MAP2: variants seen among roughly 807,000 people sequenced by gnomAD.
MAP2 encodes the protein microtubule-associated protein 2.
In MAP2, 14 loss-of-function variants were observed where a neutral mutation model predicts 137.6. The ratio of observed to expected loss-of-function variants is 0.10; its 90% CI spans 0.07 to 0.16. The LOEUF (loss-of-function observed/expected upper bound fraction) is 0.16, where lower values mean the gene tolerates loss of function less well. MAP2 is among the 10% of genes least tolerant of loss of function. MAP2 has a pLI of 1.00. For synonymous variants in MAP2, 786 were observed against 782.3 expected (o/e 1.00, Z -0.08); for missense variants, 2,088 against 2,191.5 (o/e 0.95, Z 0.94).
chr2:209,661,091 C>T (rs1432394907), intron 5 of MAP2, among the ~76,000 whole-genome samples: 1 of 152,052 alleles, frequency 6.6e-6, no homozygotes, highest in Non-Finnish European at 1.5e-5. Context: ...AAAAGTTTGG[C>T]AGCTCTCACA....
intron 2 of MAP2, among the ~76,000 whole-genome samples, chr2:209,532,098 G>A (rs997160382): frequency 1.7e-4 from 26 of 151,862 alleles, no homozygotes; most frequent in African/African-American, 6.0e-4. Context: ...AATTAGCTAG[G>A]CATGGTAGCT....
intron 13 of MAP2, among the ~76,000 whole-genome samples, chr2:209,711,742 G>A (rs945162069): frequency 1.3e-5 from 2 of 152,064 alleles, no homozygotes; most frequent in African/African-American, 4.8e-5. Context: ...ATTTAAAAGT[G>A]TAAGGTGAAT....
chr2:209,467,552 A>T (rs2149671696), intron 1 of MAP2, among the ~76,000 whole-genome samples: 1 of 152,126 alleles, frequency 6.6e-6, no homozygotes, highest in Non-Finnish European at 1.5e-5. Flanking sequence ...TCTTCTCATC[A>T]TCCCTTTGTT....
chr2:209,657,500 G>T (rs2041516283), intron 5 of MAP2, among the ~76,000 whole-genome samples: 2 of 151,932 alleles, frequency 1.3e-5, no homozygotes, highest in African/African-American at 4.8e-5. Flanking sequence ...TCTCATTGTG[G>T]TTTTAATTTG....
At chr2:209,426,169 GTTTA>G (rs955125437) in intron 1 of MAP2, among the ~76,000 whole-genome samples, 2 of 152,034 alleles carry the variant, frequency 1.3e-5, no homozygotes. Flanking sequence ...TTTATCTGTG[GTTTA>G]TTTAATTTTA....
intron 2 of MAP2, among the ~76,000 whole-genome samples, chr2:209,566,060 CTA>C (rs1340212566): frequency 2.0e-5 from 3 of 152,194 alleles, no homozygotes; most frequent in Non-Finnish European, 4.4e-5. Context: ...CGACTGCTGA[CTA>C]TGCACCTCCA....
intron 3 of MAP2, among the ~76,000 whole-genome samples, chr2:209,603,966 C>A (rs957857235): frequency 6.6e-6 from 1 of 152,054 alleles, no homozygotes; most frequent in Non-Finnish European, 1.5e-5. Context: ...AGGGACATTG[C>A]AAATTCTAGT....
At position 209,731,281 on chromosome 2, in the gene MAP2, A is replaced by G. The variant is rs189690356; in HGVS notation, c.*884A>G. ...GTCTCCTGCACCCTTTGGTGTTGCA[A>G]TTTTAGATATGTGAAAGTAGATGTT... is the stretch of plus-strand genomic sequence containing the variant. On this transcript the variant is annotated 3_prime_UTR_variant, in exon 16 of 16. Coordinates refer to ENST00000682079, the MANE Select transcript of MAP2 (RefSeq NM_001375505.1). 4.0e-3 allele frequency: 615 copies of G among 152,350 alleles called. 6 individuals are homozygous for G. Among genetic ancestry groups the G allele is most frequent in the Non-Finnish European group, 7.0e-3 (477 of 67,992 alleles). 9.4% of individuals were successfully genotyped at this position (152,350 alleles called of 1,614,324 possible).
chr2:209,668,728 A>G (rs773183321), intron 5 of MAP2, among the ~76,000 whole-genome samples: 13 of 152,030 alleles, frequency 8.6e-5, no homozygotes, highest in African/African-American at 4.8e-5. Flanking sequence ...ACTATCATCA[A>G]TTTTACATAT....
chr2:209,728,633 C>G (rs546410834), intron 14 of MAP2, among the ~76,000 whole-genome samples: 1 of 152,172 alleles, frequency 6.6e-6, no homozygotes, highest in Non-Finnish European at 1.5e-5. Context: ...GACCGTGAAG[C>G]CTTAACAAAC....
intron 5 of MAP2, 71 bp from the exon 6 acceptor site, chr2:209,678,501 T>C: frequency 1.4e-6 from 1 of 715,502 alleles, no homozygotes; most frequent in Non-Finnish European, 2.3e-6. Flanking sequence ...ACTATACTGT[T>C]TGGTTACTTT....
chr2:209,544,578 A>G (rs771882902), intron 2 of MAP2, among the ~76,000 whole-genome samples: 1 of 152,226 alleles, frequency 6.6e-6, no homozygotes, highest in Non-Finnish European at 1.5e-5. Context: ...AACCTTGAGC[A>G]AGTCATTTTA....
chr2:209,439,967 A>G (rs1281121874), intron 1 of MAP2, among the ~76,000 whole-genome samples: 2 of 151,470 alleles, frequency 1.3e-5, no homozygotes, highest in East Asian at 3.9e-4. Context: ...GATAAGTTAC[A>G]AACTGTTCTA....
chr2:209,577,636 A>G (rs1419740330), intron 2 of MAP2, among the ~76,000 whole-genome samples: 3 of 152,168 alleles, frequency 2.0e-5, no homozygotes, highest in Non-Finnish European at 4.4e-5. Flanking sequence ...TGGGCTTTCC[A>G]TTTTCCAGCT....
At chr2:209,515,101 G>A (rs1443418476) in intron 2 of MAP2, among the ~76,000 whole-genome samples, 5 of 151,930 alleles carry the variant, frequency 3.3e-5, no homozygotes, top group Admixed American at 6.6e-5. Flanking sequence ...AGTGTCTTAC[G>A]GTTATCAACT....
At chr2:209,493,306 AT>A (rs1321602424) in intron 1 of MAP2, among the ~76,000 whole-genome samples, 1 of 152,260 alleles carries the variant, frequency 6.6e-6, no homozygotes, top group African/African-American at 2.4e-5. Flanking sequence ...TTTAAACATA[AT>A]ACCTAAAACC....
At chr2:209,634,843 C>G (rs557819758) in intron 4 of MAP2, among the ~76,000 whole-genome samples, 3 of 152,072 alleles carry the variant, frequency 2.0e-5, no homozygotes, top group African/African-American at 7.2e-5. Flanking sequence ...ATTAAATACA[C>G]TAGTTTATCG....
intron 5 of MAP2, among the ~76,000 whole-genome samples, chr2:209,656,341 C>G (rs1320481904): frequency 6.6e-6 from 1 of 151,748 alleles, no homozygotes; most frequent in Non-Finnish European, 1.5e-5. Flanking sequence ...CATGGCAAAA[C>G]CTCATCTCCA....
At chr2:209,674,829 C>A (rs28666486) in intron 5 of MAP2, among the ~76,000 whole-genome samples, 29,874 of 151,712 alleles carry the variant, frequency 0.2, 4,340 homozygotes, top group African/African-American at 0.41. Flanking sequence ...ACTTTACACA[C>A]ACTCTGACTG....
Sources: allele counts gnomAD v4.1 joint callset (sites outside exome capture counted in the v4.1 genomes callset), GRCh38; gene constraint gnomAD v4.1.1; transcripts MANE v1.5; gene names NCBI Gene and HGNC (gene_info 2026-07-23, HGNC 2026-07-21).